Variants in RTL10 observed in about 807,000 individuals in gnomAD.
RTL10 encodes the protein retrotransposon Gag like 10, also known as protein Bop.
For synonymous variants in RTL10, 199 were observed against 188.4 expected (o/e 1.06, Z -0.46); for missense variants, 477 against 470.7 (o/e 1.01, Z -0.12).
In RTL10 at chr22:19,852,301, G is replaced by T. The variant is rs968211486; in HGVS notation, c.-40C>A. On this transcript the variant is annotated 5_prime_UTR_variant, in exon 3 of 3. Coordinates refer to ENST00000328554, the MANE Select transcript of RTL10 (RefSeq NM_024627.6). Reference sequence around the variant, plus strand: ...GGAGAAGAGAGGAGAGCCAGCACTGGTGGGTGGTGGGGGTGTGGACAGATG... The same window carrying T: ...GGAGAAGAGAGGAGAGCCAGCACTGTTGGGTGGTGGGGGTGTGGACAGATG... 3.8e-6 allele frequency: 6 copies of T among 1,565,204 alleles called. No individual in the cohort carries two copies. In the African/African-American group the frequency reaches 6.8e-5, roughly 18 times the overall value.
At chr22:19,852,596 T>C (rs1317041583) in intron 2 of RTL10, 110 bp from the exon 3 acceptor site, 3 of 289,784 alleles carry the variant, frequency 1.0e-5, no homozygotes, top group African/African-American at 2.2e-5. Context: ...ACTAGGAGCT[T>C]TGAATGGAAG....
At position 19,854,523 on chromosome 22, in the gene RTL10, G is replaced by C. The variant is rs1938189868; in HGVS notation, c.-306C>G. 1 of 152,694 alleles carries C rather than the reference G, an allele frequency of 6.5e-6. No homozygotes were observed. Among genetic ancestry groups the C allele is most frequent in the East Asian group, 1.9e-4 (1 of 5,196 alleles). The allele number at this position is 152,694 out of a possible 1,614,324, so 9.5% of individuals were successfully genotyped here. A position where few individuals can be genotyped will look rare whatever the true frequency, so the allele number is the denominator to read the frequency against. ...GTGGGACGGGCCTCCCTCTGAGGGCGAGAGTCCAGGCGCCACCTAGAAAGT... is the reference window on the plus strand; with the variant it reads ...GTGGGACGGGCCTCCCTCTGAGGGCCAGAGTCCAGGCGCCACCTAGAAAGT... On this transcript the variant is annotated 5_prime_UTR_variant, in exon 2 of 3. Coordinates refer to ENST00000328554, the MANE Select transcript of RTL10 (RefSeq NM_024627.6).
Position 19,848,233 on chromosome 22 carries a change from G to T in RTL10, c.*2934C>A. ...AAATAAAATCTCTGGGTATTTCCAAGGGAAGTGAAGGACTGACACCATGAT... is the reference window on the plus strand; with the variant it reads ...AAATAAAATCTCTGGGTATTTCCAATGGAAGTGAAGGACTGACACCATGAT... On this transcript the variant is annotated 3_prime_UTR_variant, in exon 3 of 3. Transcript: ENST00000328554. 5.1e-6 allele frequency: 5 copies of T among 985,350 alleles called. No individual in the cohort carries two copies. The highest frequency in any genetic ancestry group is 6.0e-6 in the Non-Finnish European group (5 of 829,866). The allele number at this position is 985,350 out of a possible 1,614,324, so 61.0% of individuals were successfully genotyped here.
chr22:19,849,369 G>GTTT lies in RTL10; in HGVS notation c.*1797_*1798insAAA. ...TTTCTAAATAAGGTTTTTGTTTTTT[G>GTTT]TTGTTTTTTTTTTTTTGGGATGGAG... On this transcript the variant is annotated 3_prime_UTR_variant, in exon 3 of 3. Transcript: ENST00000328554. 9 of 864,332 alleles carry GTTT rather than the reference G, an allele frequency of 1.0e-5. No homozygotes were observed. The highest frequency in any genetic ancestry group is 1.2e-5 in the Non-Finnish European group (9 of 724,700). 53.5% of individuals were successfully genotyped at this position (864,332 alleles called of 1,614,324 possible). A position where few individuals can be genotyped will look rare whatever the true frequency, so the allele number is the denominator to read the frequency against.
At position 19,851,752 on chromosome 22, in the gene RTL10, G is replaced by A; in HGVS notation, c.510C>T (p.Leu170=). 6.2e-7 allele frequency: 1 copy of A among 1,609,770 alleles called. No individual in the cohort carries two copies. The highest frequency in any genetic ancestry group is 8.5e-7 in the Non-Finnish European group (1 of 1,176,644). ...GDLPLPDDYE[L]FCQDLKEVVQ... ...CAACTTCCTTGAGATCCTGGCAGAA[G>A]AGCTCGTAATCGTCAGGCAGGGGCA... Residue 170 remains leucine (L), a synonymous_variant, in exon 3 of 3, where the codon CTC becomes CTT. Transcript: ENST00000328554.
At position 19,849,843 on chromosome 22, in the gene RTL10, G is replaced by A; in HGVS notation, c.*1324C>T. On this transcript the variant is annotated 3_prime_UTR_variant, in exon 3 of 3. Coordinates refer to ENST00000328554, the MANE Select transcript of RTL10 (RefSeq NM_024627.6). ...AACTTCTTGTCCAAGCACCAGAGTG[G>A]GCACACACTGCACACACTGGGCGGC... 3 of 985,356 alleles carry A rather than the reference G, an allele frequency of 3.0e-6. No homozygotes were observed. The highest frequency in any genetic ancestry group is 3.6e-6 in the Non-Finnish European group (3 of 829,888). The allele number at this position is 985,356 out of a possible 1,614,324, so 61.0% of individuals were successfully genotyped here. A position where few individuals can be genotyped will look rare whatever the true frequency, so the allele number is the denominator to read the frequency against.
chr22:19,847,562 G>A lies in RTL10; in HGVS notation c.*3605C>T. ...AGGACCCTCAGCTCATGCGGGGAGG[G>A]GAGGAGGCAAGGCCAACCTCCAGTC... is the stretch of plus-strand genomic sequence containing the variant. On this transcript the variant is annotated 3_prime_UTR_variant, in exon 3 of 3. Transcript: ENST00000328554. 1 of 985,254 alleles carries A rather than the reference G, an allele frequency of 1.0e-6. No individual in the cohort carries two copies. 61.0% of individuals were successfully genotyped at this position (985,254 alleles called of 1,614,324 possible). A position where few individuals can be genotyped will look rare whatever the true frequency, so the allele number is the denominator to read the frequency against.
In RTL10 at chr22:19,851,689, C is replaced by G; in HGVS notation, c.573G>C (p.Val191=). 6.3e-7 allele frequency: 1 copy of G among 1,598,724 alleles called. No homozygotes were observed. Among genetic ancestry groups the G allele is most frequent in the Non-Finnish European group, 8.5e-7 (1 of 1,170,392 alleles). ...AGGCCAGGGGCAGGGGACAGGTAACCACAGCATGGTACTCAGCAAAACTGT... is the reference window on the plus strand; with the variant it reads ...AGGCCAGGGGCAGGGGACAGGTAACGACAGCATGGTACTCAGCAAAACTGT... ...DPNSFAEYHA[V]VTCPLPLASS... is the part of the protein sequence containing the mutation. The change falls in exon 3 of 3, where the codon GTG becomes GTC. Residue 191 remains valine, a synonymous_variant. Transcript: ENST00000328554.
At position 19,850,695 on chromosome 22, in the gene RTL10, GC is replaced by G. The variant is rs1440996779; in HGVS notation, c.*471del. 9 of 1,233,728 alleles carry G rather than the reference GC, an allele frequency of 7.3e-6. No homozygotes were observed. The highest frequency in any genetic ancestry group is 9.1e-6 in the Non-Finnish European group (9 of 990,002). 76.4% of individuals were successfully genotyped at this position (1,233,728 alleles called of 1,614,324 possible). On this transcript the variant is annotated 3_prime_UTR_variant, in exon 3 of 3. Coordinates refer to ENST00000328554, the MANE Select transcript of RTL10 (RefSeq NM_024627.6). ...CCAGCTGGGACAGAAGTCACAGGGA[GC>G]AGAGAGGGTGGGGCTAGGGGGACAG...
At position 19,848,431 on chromosome 22, in the gene RTL10, C is replaced by G. The variant is rs1938017365; in HGVS notation, c.*2736G>C. The G allele has an allele frequency of 6.1e-6, 6 of 985,500 alleles. No individual in the cohort carries two copies. Among genetic ancestry groups the G allele is most frequent in the Non-Finnish European group, 7.2e-6 (6 of 829,990 alleles). The allele number at this position is 985,500 out of a possible 1,614,324, so 61.0% of individuals were successfully genotyped here. ...CCCAGCAGGAAAGCAGCTTGGTCAT[C>G]ATCTGTCTGAAAGCAGGTGCTGCAG... On this transcript the variant is annotated 3_prime_UTR_variant, in exon 3 of 3. Coordinates refer to ENST00000328554, the MANE Select transcript of RTL10 (RefSeq NM_024627.6).
chr22:19,848,046 C>T lies in RTL10; in HGVS notation c.*3121G>A. 1 of 985,438 alleles carries T rather than the reference C, an allele frequency of 1.0e-6. No homozygotes were observed. Among genetic ancestry groups the T allele is most frequent in the South Asian group, 4.7e-5 (1 of 21,288 alleles). The allele number at this position is 985,438 out of a possible 1,614,324, so 61.0% of individuals were successfully genotyped here. A position where few individuals can be genotyped will look rare whatever the true frequency, so the allele number is the denominator to read the frequency against. Reference sequence around the variant, plus strand: ...GGCCCGTTTCAAAGTCCTCTATTCTCTGCTCATCTGTCCACATCTAAGTGC... The same window carrying T: ...GGCCCGTTTCAAAGTCCTCTATTCTTTGCTCATCTGTCCACATCTAAGTGC... On this transcript the variant is annotated 3_prime_UTR_variant, in exon 3 of 3. Coordinates refer to ENST00000328554, the MANE Select transcript of RTL10 (RefSeq NM_024627.6).
chr22:19,849,794 A>G lies in RTL10; in HGVS notation c.*1373T>C. 1.0e-6 allele frequency: 1 copy of G among 985,396 alleles called. No homozygotes were observed. 61.0% of individuals were successfully genotyped at this position (985,396 alleles called of 1,614,324 possible). On this transcript the variant is annotated 3_prime_UTR_variant, in exon 3 of 3. Coordinates refer to ENST00000328554, the MANE Select transcript of RTL10 (RefSeq NM_024627.6). ...GAAGGTGTTGTTTTGTTGTTTTCAC[A>G]ATTGTAAACCTGAAAGGGACTTGAA...
At chr22:19,853,044 A>G (rs901741874) in intron 2 of RTL10, among the ~76,000 whole-genome samples, 1 of 152,182 alleles carries the variant, frequency 6.6e-6, no homozygotes, top group Admixed American at 6.5e-5. Context: ...CACCAGGCAC[A>G]CAGCAGGTCC....
Position 19,851,736 on chromosome 22 carries a change from T to C in RTL10, c.526A>G (p.Lys176Glu), listed in dbSNP as rs779882424. ...DDYELFCQDL[K>E]EVVQDPNSFA... The stretch of plus-strand genomic sequence containing the variant: ...CTGTTCGGGTCTTGAACAACTTCCT[T>C]GAGATCCTGGCAGAAGAGCTCGTAA... Residue 176 changes from lysine to glutamate, a missense_variant, in exon 3 of 3, where the codon AAG becomes GAG. Coordinates refer to ENST00000328554, the MANE Select transcript of RTL10 (RefSeq NM_024627.6). 1.2e-6 allele frequency: 2 copies of C among 1,606,850 alleles called. No individual in the cohort carries two copies. The highest frequency in any genetic ancestry group is 2.2e-5 in the East Asian group (1 of 44,618).
In RTL10 at chr22:19,847,004, G is replaced by C; in HGVS notation, c.*4163C>G. On this transcript the variant is annotated 3_prime_UTR_variant, in exon 3 of 3. Transcript: ENST00000328554. ...CCAGCCCCACGCTGGGTGGCTGCTT[G>C]TACTTCTCCATACTGAGCACCCCAG... is the stretch of plus-strand genomic sequence containing the variant. 1 of 985,460 alleles carries C rather than the reference G, an allele frequency of 1.0e-6. No individual in the cohort carries two copies. The highest frequency in any genetic ancestry group is 1.1e-4 in the East Asian group (1 of 8,806). The allele number at this position is 985,460 out of a possible 1,614,324, so 61.0% of individuals were successfully genotyped here. A position where few individuals can be genotyped will look rare whatever the true frequency, so the allele number is the denominator to read the frequency against.
In RTL10 at chr22:19,846,243, C is replaced by A. The variant is rs1265650994; in HGVS notation, c.*4924G>T. On this transcript the variant is annotated 3_prime_UTR_variant, in exon 3 of 3. Transcript: ENST00000328554. ...ACAGGCTATCAAGGATGACAGCAGA[C>A]CCCTCCCTTCTGCCGCAGTTACACT... is the stretch of plus-strand genomic sequence containing the variant. The A allele has an allele frequency of 5.4e-6, 1 of 184,714 alleles. No individual in the cohort carries two copies. The highest frequency in any genetic ancestry group is 1.0e-5 in the Non-Finnish European group (1 of 97,708). 11.4% of individuals were successfully genotyped at this position (184,714 alleles called of 1,614,324 possible).
chr22:19,852,630 G>T, intron 2 of RTL10, 144 bp from the exon 3 acceptor site: 1 of 258,204 alleles, frequency 3.9e-6, no homozygotes, highest in South Asian at 9.7e-5. Context: ...GGCTGGCCTG[G>T]GAGGTCTGAG....
At position 19,852,468 on chromosome 22, in the gene RTL10, G is replaced by A; in HGVS notation, c.-207C>T. On this transcript the variant is annotated 5_prime_UTR_variant, in exon 3 of 3. Transcript: ENST00000328554. ...AAGAGCTGAGAGACTGTCAGTCGCA[G>A]GCCATCATCCGAGGCAATCTGTCCA... The A allele has an allele frequency of 1.7e-6, 1 of 596,014 alleles. No homozygotes were observed. Among genetic ancestry groups the A allele is most frequent in the Non-Finnish European group, 3.0e-6 (1 of 334,000 alleles). 36.9% of individuals were successfully genotyped at this position (596,014 alleles called of 1,614,324 possible).
Position 19,849,224 on chromosome 22 carries a change from G to A in RTL10, c.*1943C>T, listed in dbSNP as rs955367644. 7 of 985,176 alleles carry A rather than the reference G, an allele frequency of 7.1e-6. No homozygotes were observed. Among genetic ancestry groups the A allele is most frequent in the African/African-American group, 7.0e-5 (4 of 57,214 alleles). 61.0% of individuals were successfully genotyped at this position (985,176 alleles called of 1,614,324 possible). ...AAATAGCTTCCCACCTATTTCCAAG[G>A]TTTCCAGTTGTTTTACCTACAAGGT... is the stretch of plus-strand genomic sequence containing the variant. On this transcript the variant is annotated 3_prime_UTR_variant, in exon 3 of 3. Coordinates refer to ENST00000328554, the MANE Select transcript of RTL10 (RefSeq NM_024627.6).
Sources: allele counts gnomAD v4.1 joint callset (sites outside exome capture counted in the v4.1 genomes callset), GRCh38; gene constraint gnomAD v4.1.1; transcripts MANE v1.5; gene names NCBI Gene and HGNC (gene_info 2026-07-23, HGNC 2026-07-21).